Variants in PPFIA2 observed in about 807,000 individuals in gnomAD.
The protein encoded by PPFIA2 is liprin-alpha-2.
PPFIA2 carries 46 observed loss-of-function variants against 175.5 expected under a neutral mutation model. The ratio of observed to expected loss-of-function variants is 0.26; its 90% CI spans 0.21 to 0.34. The LOEUF (loss-of-function observed/expected upper bound fraction) is 0.34. Ranked by LOEUF, PPFIA2 falls within the 10% of genes least tolerant of loss-of-function variation. The pLI, the probability that PPFIA2 is intolerant of heterozygous loss-of-function variation, is 1.00. For synonymous variants in PPFIA2, 568 were observed against 511.4 expected (o/e 1.11, Z -1.49); for missense variants, 1,179 against 1,506.1 (o/e 0.78, Z 3.60).
chr12:81,743,772 T>A (rs1323485527), intron 3 of PPFIA2, among the ~76,000 whole-genome samples: 1 of 148,700 alleles, frequency 6.7e-6, no homozygotes, highest in Non-Finnish European at 1.5e-5. Flanking sequence ...TACAAATACA[T>A]GTGACAGCCA....
chr12:81,319,320 G>A (rs1484050727), intron 22 of PPFIA2, among the ~76,000 whole-genome samples: 1 of 151,580 alleles, frequency 6.6e-6, no homozygotes, highest in Non-Finnish European at 1.5e-5. Flanking sequence ...AGTGCATTCT[G>A]ACCCTTATCC....
intron 3 of PPFIA2, among the ~76,000 whole-genome samples, chr12:81,751,430 A>T (rs1431844611): frequency 1.3e-5 from 2 of 149,190 alleles, no homozygotes; most frequent in Admixed American, 6.7e-5. Flanking sequence ...TTTTTTTACC[A>T]TGCAGTAGGA....
chr12:81,624,846 C>T (rs2062505596), intron 4 of PPFIA2, among the ~76,000 whole-genome samples: 1 of 150,408 alleles, frequency 6.6e-6, no homozygotes, highest in Non-Finnish European at 1.5e-5. Context: ...GGAGGGTGAC[C>T]AGGGATAAAA....
intron 4 of PPFIA2, among the ~76,000 whole-genome samples, chr12:81,662,601 C>A (rs1307107820): frequency 6.6e-6 from 1 of 152,164 alleles, no homozygotes; most frequent in Non-Finnish European, 1.5e-5. Flanking sequence ...GATGGATTCA[C>A]AGCCGAATTC....
Position 81,277,310 on chromosome 12 carries a change from A to G in PPFIA2, c.3310+7T>C, listed in dbSNP as rs2136728425. ...AAGGCATTTCATATGAAAGAAAGAT[A>G]TATTACCTTTTATTTCATGTTGGCT... On this transcript the variant is annotated splice_region_variant and intron_variant, in intron 28 of 32. Transcript: ENST00000549396. The G allele has an allele frequency of 6.5e-7, 1 of 1,539,794 alleles. No homozygotes were observed. Among genetic ancestry groups the G allele is most frequent in the Non-Finnish European group, 8.7e-7 (1 of 1,144,098 alleles).
chr12:81,686,315 A>T (rs1278617058), intron 3 of PPFIA2, among the ~76,000 whole-genome samples: 2 of 152,064 alleles, frequency 1.3e-5, no homozygotes, highest in Non-Finnish European at 2.9e-5. Flanking sequence ...AATCTTGGCT[A>T]TATATTTCTA....
intron 10 of PPFIA2, 86 bp from the exon 11 acceptor site, chr12:81,374,854 A>G (rs1244440792): frequency 1.6e-6 from 2 of 1,289,942 alleles, no homozygotes; most frequent in Admixed American, 2.4e-5. Context: ...CACTTCAGCC[A>G]TGATTCTAGA....
At chr12:81,711,015 G>T (rs2077831299) in intron 3 of PPFIA2, among the ~76,000 whole-genome samples, 1 of 151,194 alleles carries the variant, frequency 6.6e-6, no homozygotes. Flanking sequence ...AGAACCACTT[G>T]AGCCCAGGAG....
intron 4 of PPFIA2, among the ~76,000 whole-genome samples, chr12:81,497,290 T>G (rs778990009): frequency 1.3e-5 from 2 of 152,164 alleles, no homozygotes; most frequent in Non-Finnish European, 2.9e-5. Flanking sequence ...TTATGATTAT[T>G]TGTGGCTCAC....
At chr12:81,543,601 C>T (rs1333290529) in intron 4 of PPFIA2, among the ~76,000 whole-genome samples, 1 of 151,990 alleles carries the variant, frequency 6.6e-6, no homozygotes, top group Non-Finnish European at 1.5e-5. Context: ...AGCATAACTC[C>T]CTACTCTTTA....
chr12:81,549,681 G>A (rs1190914606), intron 4 of PPFIA2, among the ~76,000 whole-genome samples: 1 of 151,938 alleles, frequency 6.6e-6, no homozygotes, highest in Non-Finnish European at 1.5e-5. Flanking sequence ...TGCTTATGAG[G>A]TAAGAAACAA....
chr12:81,374,557 AT>A, intron 11 of PPFIA2, 76 bp downstream of exon 11: 1 of 1,460,710 alleles, frequency 6.8e-7, no homozygotes, highest in Non-Finnish European at 9.1e-7. Context: ...CCTATAGAAA[AT>A]CTTTACACAT....
chr12:81,709,821 G>C (rs930504161), intron 3 of PPFIA2, among the ~76,000 whole-genome samples: 4 of 151,774 alleles, frequency 2.6e-5, no homozygotes, highest in African/African-American at 9.7e-5. Context: ...TTTTTCACTT[G>C]CCTGATTGTT....
At chr12:81,474,921 A>G (rs2057287720) in intron 4 of PPFIA2, among the ~76,000 whole-genome samples, 1 of 152,234 alleles carries the variant, frequency 6.6e-6, no homozygotes, top group Non-Finnish European at 1.5e-5. Flanking sequence ...TGACTGAAAA[A>G]TCTAGATAGA....
chr12:81,463,441 C>A (rs1041690349), intron 4 of PPFIA2, among the ~76,000 whole-genome samples: 1 of 152,098 alleles, frequency 6.6e-6, no homozygotes, highest in Non-Finnish European at 1.5e-5. Context: ...ATTTTGTTCA[C>A]CAACCTATGC....
chr12:81,484,570 C>T (rs1291398665), intron 4 of PPFIA2, among the ~76,000 whole-genome samples: 1 of 151,882 alleles, frequency 6.6e-6, no homozygotes, highest in Non-Finnish European at 1.5e-5. Context: ...TAAGTATACT[C>T]CCATGAATTC....
At chr12:81,598,508 A>T (rs2059482294) in intron 4 of PPFIA2, 1 of 280,066 alleles carries the variant, frequency 3.6e-6, no homozygotes, top group Non-Finnish European at 5.4e-6. Flanking sequence ...AACCTGAAGC[A>T]TGTTTCATAT....
chr12:81,494,283 G>A (rs2059774018), intron 4 of PPFIA2, among the ~76,000 whole-genome samples: 1 of 151,960 alleles, frequency 6.6e-6, no homozygotes. Context: ...AGTGGGCAAA[G>A]GACATGAACA....
At chr12:81,473,020 A>T (rs1309442036) in intron 4 of PPFIA2, 1 of 152,206 alleles carries the variant, frequency 6.6e-6, no homozygotes, top group Non-Finnish European at 1.5e-5. Context: ...TAGTAGGAAT[A>T]ACTCTTGAAT....
Sources: gnomAD v4.1 joint callset for allele counts (sites outside exome capture counted in the v4.1 genomes callset) on GRCh38, gnomAD v4.1.1 for gene constraint, MANE v1.5 for transcripts, NCBI Gene and HGNC (gene_info 2026-07-23, HGNC 2026-07-21) for gene names.